Variants in FMR1NB observed in about 807,000 individuals in gnomAD.
FMR1NB encodes the protein FMR1 neighbor.
A neutral mutation model predicts 16.8 loss-of-function variants in FMR1NB; 10 were observed. The observed-to-expected ratio is 0.60, with a 90% CI of 0.37 to 1.01. The LOEUF (loss-of-function observed/expected upper bound fraction) is 1.01. Among genes scored for constraint, FMR1NB ranks in the 50% least tolerant of loss-of-function variants. The pLI is 0.01. For synonymous variants in FMR1NB, 83 were observed against 79.1 expected (o/e 1.05, Z -0.26); for missense variants, 205 against 204.8 (o/e 1.00, Z 0.00).
intron 1 of FMR1NB, among the ~76,000 whole-genome samples, chrX:147,992,642 G>A (rs1210522037): frequency 1.4e-4 from 3 of 21,925 alleles, no homozygotes; most frequent in Non-Finnish European, 2.2e-4. Flanking sequence ...CGGGCGGAGG[G>A]GCTCCTCACT....
intron 1 of FMR1NB, among the ~76,000 whole-genome samples, chrX:147,999,753 A>AAC (rs2044561800): frequency 8.9e-6 from 1 of 111,763 alleles, no homozygotes; most frequent in Non-Finnish European, 1.9e-5. Context: ...ATATCCTCAA[A>AAC]ACACAGAATA....
At chrX:148,014,790 G>A (rs1474801602) in intron 4 of FMR1NB, among the ~76,000 whole-genome samples, 3 of 111,171 alleles carry the variant, frequency 2.7e-5, no homozygotes, top group Middle Eastern at 4.6e-3. Flanking sequence ...GACCACAGGC[G>A]TGTGCCACCA....
At chrX:147,998,931 T>A in intron 1 of FMR1NB, among the ~76,000 whole-genome samples, 1 of 112,090 alleles carries the variant, frequency 8.9e-6, no homozygotes. Context: ...TCATCTTAGT[T>A]AAGATGTTTA....
At chrX:148,005,033 G>C (rs2044589246) in intron 2 of FMR1NB, among the ~76,000 whole-genome samples, 1 of 111,961 alleles carries the variant, frequency 8.9e-6, no homozygotes, top group South Asian at 3.8e-4. Context: ...GGGACTACAG[G>C]CACATGCCAC....
At chrX:147,994,613 T>G (rs1270376564) in intron 1 of FMR1NB, among the ~76,000 whole-genome samples, 1 of 112,388 alleles carries the variant, frequency 8.9e-6, no homozygotes, top group Non-Finnish European at 1.9e-5. Context: ...TGTGTATTTT[T>G]TCTTAGTCAG....
At chrX:147,990,049 AAAAAAAC>A (rs2044496513) in intron 1 of FMR1NB, among the ~76,000 whole-genome samples, 1 of 109,797 alleles carries the variant, frequency 9.1e-6, no homozygotes, top group Non-Finnish European at 1.9e-5. Context: ...GAAAAAAAAA[AAAAAAAC>A]AAAAGCTCCT....
At chrX:148,016,522 TCTC>T (rs1557190150) in intron 4 of FMR1NB, among the ~76,000 whole-genome samples, 2 of 111,800 alleles carry the variant, frequency 1.8e-5, no homozygotes, top group African/African-American at 3.3e-5. Flanking sequence ...CTTGTGGTCT[TCTC>T]CTTCTACTTT....
intron 1 of FMR1NB, among the ~76,000 whole-genome samples, chrX:147,982,587 T>A (rs1480154098): frequency 5.4e-5 from 2 of 36,710 alleles, no homozygotes; most frequent in Non-Finnish European, 8.7e-5. Flanking sequence ...AGACTCCGTC[T>A]CAAAAAAAAA....
chrX:147,992,154 G>C (rs782590826), intron 1 of FMR1NB, among the ~76,000 whole-genome samples: 1 of 107,701 alleles, frequency 9.3e-6, no homozygotes, highest in Non-Finnish European at 1.9e-5. Flanking sequence ...ATCCCGTCCC[G>C]TTCTCAATGA....
At chrX:147,989,948 G>T (rs1330002078) in intron 1 of FMR1NB, among the ~76,000 whole-genome samples, 1 of 110,298 alleles carries the variant, frequency 9.1e-6, no homozygotes, top group Non-Finnish European at 1.9e-5. Flanking sequence ...TGTGGGAGTT[G>T]GACCCACTGG....
At position 147,981,637 on chromosome X, in the gene FMR1NB, C is replaced by G. The variant is rs782407330; in HGVS notation, c.235C>G (p.Leu79Val). The change falls in exon 1 of 6, where the codon CTG becomes GTG. Residue 79 changes from leucine (L) to valine (V), a missense_variant. By Grantham distance (32) the Leu-to-Val change is conservative. Transcript: ENST00000370467. ...FGMLMLSIWILLFVCYYLSYY... is the reference protein window; with the variant it reads ...FGMLMLSIWIVLFVCYYLSYY... ...GATGCTCATGCTCTCCATTTGGATC[C>G]TGCTGTTCGTGTGCTACTACCTGTC... The G allele has an allele frequency of 8.4e-6, 10 of 1,188,630 alleles. No individual in the cohort carries two copies. Among genetic ancestry groups the G allele is most frequent in the Non-Finnish European group, 1.0e-5 (9 of 883,491 alleles).
At chrX:147,985,022 C>T (rs1276601072) in intron 1 of FMR1NB, among the ~76,000 whole-genome samples, 2 of 111,988 alleles carry the variant, frequency 1.8e-5, no homozygotes, top group African/African-American at 6.5e-5. Flanking sequence ...ATGAACCCCA[C>T]TTTATAGTCA....
intron 1 of FMR1NB, among the ~76,000 whole-genome samples, chrX:147,990,272 A>G (rs2044497685): frequency 9.0e-6 from 1 of 111,131 alleles, no homozygotes; most frequent in Non-Finnish European, 1.9e-5. Context: ...CTTCCCAGGT[A>G]AGGCGACACC....
chrX:147,995,974 C>T (rs968940556), intron 1 of FMR1NB, among the ~76,000 whole-genome samples: 2 of 111,566 alleles, frequency 1.8e-5, no homozygotes, highest in African/African-American at 3.3e-5. Context: ...GTTATCTTAT[C>T]GAAAAAATGA....
At chrX:147,997,304 C>A in intron 1 of FMR1NB, among the ~76,000 whole-genome samples, 1 of 111,900 alleles carries the variant, frequency 8.9e-6, no homozygotes, top group Middle Eastern at 4.7e-3. Flanking sequence ...AATAATGCCA[C>A]ACATCTACAA....
At chrX:148,014,847 G>A (rs897381796) in intron 4 of FMR1NB, among the ~76,000 whole-genome samples, 3 of 111,383 alleles carry the variant, frequency 2.7e-5, no homozygotes, top group Admixed American at 1.9e-4. Flanking sequence ...GCTTCACCAT[G>A]TTGCCCAGGC....
At chrX:147,988,534 A>G (rs2044488327) in intron 1 of FMR1NB, among the ~76,000 whole-genome samples, 1 of 110,784 alleles carries the variant, frequency 9.0e-6, no homozygotes, top group Admixed American at 9.6e-5. Flanking sequence ...CTATTTCCTG[A>G]ATTTGAATGT....
intron 1 of FMR1NB, among the ~76,000 whole-genome samples, chrX:147,991,767 A>G (rs1170650338): frequency 9.4e-6 from 1 of 106,694 alleles, no homozygotes; most frequent in Non-Finnish European, 1.9e-5. Flanking sequence ...AAACAAGTGA[A>G]CAAAGGTCTC....
intron 1 of FMR1NB, among the ~76,000 whole-genome samples, chrX:147,985,642 A>G (rs2044472505): frequency 8.9e-6 from 1 of 112,178 alleles, no homozygotes; most frequent in Non-Finnish European, 1.9e-5. Flanking sequence ...TGCAAAGGAC[A>G]TGAACTCATT....
Sources: gnomAD v4.1 joint callset for allele counts (sites outside exome capture counted in the v4.1 genomes callset) on GRCh38, gnomAD v4.1.1 for gene constraint, MANE v1.5 for transcripts, NCBI Gene and HGNC (gene_info 2026-07-23, HGNC 2026-07-21) for gene names.